Variants in PPIB observed in about 807,000 individuals in gnomAD.
PPIB encodes the protein peptidylprolyl isomerase B.
In PPIB, 15 loss-of-function variants were observed where a neutral mutation model predicts 20.1. The observed-to-expected ratio is 0.75, with a 90% confidence interval of 0.50 to 1.15. The LOEUF (loss-of-function observed/expected upper bound fraction) is 1.15, where lower values mean the gene tolerates loss of function less well. Ranked by LOEUF, PPIB falls within the 50% of genes most tolerant of loss-of-function variation. PPIB has a pLI of 0.00. For synonymous variants in PPIB, 129 were observed against 111.0 expected (o/e 1.16, Z -1.02); for missense variants, 278 against 283.0 (o/e 0.98, Z 0.13).
Position 64,161,979 on chromosome 15 carries a change from C to T in PPIB, c.249+62G>A. ...CGGCTGAACTCTGCAGGTCAGTTTG[C>T]TGCCATCCCCAGTGCCAATTTCACT... On this transcript the variant is annotated intron_variant, in intron 2 of 4. Coordinates refer to ENST00000300026, the MANE Select transcript of PPIB (RefSeq NM_000942.5). This position sits in a 1 kb window ranked among gnomAD's most constrained non-coding sequence, Gnocchi z 4.2. 8.2e-7 allele frequency: 1 copy of T among 1,214,734 alleles called. No individual in the cohort carries two copies. Among genetic ancestry groups the T allele is most frequent in the Non-Finnish European group, 1.2e-6 (1 of 816,482 alleles). The allele number at this position is 1,214,734 out of a possible 1,614,324, so 75.2% of individuals were successfully genotyped here.
chr15:64,162,149 A>G lies in PPIB; in HGVS notation c.141T>C (p.Tyr47=), dbSNP rs1458370190. 1.2e-6 allele frequency: 2 copies of G among 1,610,912 alleles called. No individual in the cohort carries two copies. Among genetic ancestry groups the G allele is most frequent in the South Asian group, 1.1e-5 (1 of 91,010 alleles). Residue 47 remains tyrosine, a synonymous_variant, in exon 2 of 5, where the codon TAT becomes TAC. Transcript: ENST00000300026. ...KKGPKVTVKV[Y]FDLRIGDEDV... The stretch of plus-strand genomic sequence containing the variant: ...CTTCATCTCCAATTCGTAGGTCAAA[A>G]TACACCTGAGGAAAGAGACCATTTC...
At position 64,162,102 on chromosome 15, in the gene PPIB, C is replaced by A. The variant is rs1285687079; in HGVS notation, c.188G>T (p.Gly63Val). ...TTTTGGAACAGTCTTTCCGAAGAGA[C>A]CAAAGATCACCCGGCCTACATCTTC... ...GDEDVGRVIF[G>V]LFGKTVPKTV... Residue 63 changes from glycine (G) to valine (V), a missense_variant, in exon 2 of 5, where the codon GGT (glycine) becomes GTT (valine). Coordinates refer to ENST00000300026, the MANE Select transcript of PPIB (RefSeq NM_000942.5). 1 of 1,614,166 alleles carries A rather than the reference C, an allele frequency of 6.2e-7. No individual in the cohort carries two copies. Among genetic ancestry groups the A allele is most frequent in the Non-Finnish European group, 8.5e-7 (1 of 1,180,016 alleles).
rs1015811321 is a variant in PPIB, at chr15:64,161,986, C to T, written c.249+55G>A. 1.5e-6 allele frequency: 2 copies of T among 1,302,686 alleles called. No homozygotes were observed. Among genetic ancestry groups the T allele is most frequent in the Admixed American group, 3.4e-5 (2 of 59,566 alleles). The allele number at this position is 1,302,686 out of a possible 1,614,324, so 80.7% of individuals were successfully genotyped here. A position where few individuals can be genotyped will look rare whatever the true frequency, so the allele number is the denominator to read the frequency against. Reference sequence around the variant, plus strand: ...ACTCTGCAGGTCAGTTTGCTGCCATCCCCAGTGCCAATTTCACTTCATGTG... The same window carrying T: ...ACTCTGCAGGTCAGTTTGCTGCCATTCCCAGTGCCAATTTCACTTCATGTG... On this transcript the variant is annotated intron_variant, in intron 2 of 4. Coordinates refer to ENST00000300026, the MANE Select transcript of PPIB (RefSeq NM_000942.5). This position sits in a 1 kb window ranked among gnomAD's most constrained non-coding sequence, Gnocchi z 4.2.
rs540496524 is a variant in PPIB at position 64,158,216 on chromosome 15, T to C, written c.344-1307A>G. 6.6e-6 allele frequency among the ~76,000 whole-genome samples: 1 copy of C among 152,308 alleles called. No individual in the cohort carries two copies. The highest frequency in any genetic ancestry group is 2.4e-5 in the African/African-American group (1 of 41,568). ...TCAGGTTGTCCCTACCCACTCCCCA[T>C]GTACTTACTCTTTCTTTCCATTCCC... On this transcript the variant is annotated intron_variant, in intron 3 of 4. Transcript: ENST00000300026. The surrounding 1 kb of genome is among the most constrained non-coding windows in gnomAD (Gnocchi z 4.7).
rs968664279 is a variant in PPIB at position 64,157,786 on chromosome 15, G to T, written c.344-877C>A. 2.0e-5 allele frequency among the ~76,000 whole-genome samples: 3 copies of T among 152,154 alleles called. No homozygotes were observed. Among genetic ancestry groups the T allele is most frequent in the Non-Finnish European group, 4.4e-5 (3 of 68,032 alleles). ...GGTTCCACAGAATGGAACTGAGCTG[G>T]GAAACTGTCCTAGACAGATGCCAAC... On this transcript the variant is annotated intron_variant, in intron 3 of 4. Transcript: ENST00000300026. This position sits in a 1 kb window ranked among gnomAD's most constrained non-coding sequence, Gnocchi z 4.2.
rs2081565598 is a variant in PPIB at position 64,161,926 on chromosome 15, G to A, written c.249+115C>T. ...TGTGTTCCCAGGGCAACAGGCAGTCGGTGCTCAGTGAGGTCCACGCTACAG... is the reference window on the plus strand; with the variant it reads ...TGTGTTCCCAGGGCAACAGGCAGTCAGTGCTCAGTGAGGTCCACGCTACAG... On this transcript the variant is annotated intron_variant, in intron 2 of 4. Coordinates refer to ENST00000300026, the MANE Select transcript of PPIB (RefSeq NM_000942.5). The surrounding 1 kb of genome is among the most constrained non-coding windows in gnomAD (Gnocchi z 4.2). 3 of 806,190 alleles carry A rather than the reference G, an allele frequency of 3.7e-6. No homozygotes were observed. The highest frequency in any genetic ancestry group is 1.7e-5 in the Admixed American group (1 of 58,864). The allele number at this position is 806,190 out of a possible 1,614,324, so 49.9% of individuals were successfully genotyped here.
In PPIB at chr15:64,162,082, G is replaced by C. The variant is rs1201535977; in HGVS notation, c.208C>G (p.Pro70Ala). ...GCCACAAAATTATCCACTGTTTTTGGAACAGTCTTTCCGAAGAGACCAAAG... is the reference window on the plus strand; with the variant it reads ...GCCACAAAATTATCCACTGTTTTTGCAACAGTCTTTCCGAAGAGACCAAAG... ...VIFGLFGKTV[P>A]KTVDNFVALA... Residue 70 changes from proline to alanine, a missense_variant, in exon 2 of 5, where the codon CCA (proline) becomes GCA (alanine). By Grantham distance (27) the Pro-to-Ala change is conservative. Transcript: ENST00000300026. 2.5e-6 allele frequency: 4 copies of C among 1,613,948 alleles called. No homozygotes were observed. The highest frequency in any genetic ancestry group is 3.4e-6 in the Non-Finnish European group (4 of 1,179,956).
In PPIB at chr15:64,162,852, C is replaced by G. The variant is rs1015408472; in HGVS notation, c.135G>C (p.Lys45Asn). ...EKKKGPKVTV[K>N]VYFDLRIGDE... ...GTAAATGCCGCGGACTCCACCGGACCTTGACGGTGACTTTGGGCCCCTTCT... is the reference window on the plus strand; with the variant it reads ...GTAAATGCCGCGGACTCCACCGGACGTTGACGGTGACTTTGGGCCCCTTCT... Residue 45 changes from lysine to asparagine, a missense_variant and splice_region_variant, in exon 1 of 5, where the codon AAG becomes AAC. By Grantham distance (94) the Lys-to-Asn change is moderately conservative. Transcript: ENST00000300026. 1.9e-6 allele frequency: 3 copies of G among 1,610,920 alleles called. No individual in the cohort carries two copies. Among genetic ancestry groups the G allele is most frequent in the Admixed American group, 1.7e-5 (1 of 59,716 alleles).
chr15:64,162,802 C>T, intron 1 of PPIB, 50 bp downstream of exon 1: 1 of 1,590,084 alleles, frequency 6.3e-7, no homozygotes, highest in Admixed American at 1.7e-5. Flanking sequence ...CAAGCCAAGG[C>T]CGCCCGGGCC....
chr15:64,155,857 G>GTGT lies in PPIB; in HGVS notation c.*163_*165dup, dbSNP rs1015271051. 5.6e-5 allele frequency: 56 copies of GTGT among 993,906 alleles called. No homozygotes were observed. Among genetic ancestry groups the GTGT allele is most frequent in the Non-Finnish European group, 7.7e-5 (50 of 648,092 alleles). The allele number at this position is 993,906 out of a possible 1,614,324, so 61.6% of individuals were successfully genotyped here. ...AACCCACATTTTTTTTTATTGGTCA[G>GTGT]TGTTGGTAGGAGTTTGTTACAAAAG... On this transcript the variant is annotated 3_prime_UTR_variant, in exon 5 of 5. Transcript: ENST00000300026.
Position 64,162,838 on chromosome 15 carries a change from G to T in PPIB, c.135+14C>A. On this transcript the variant is annotated intron_variant, in intron 1 of 4. Transcript: ENST00000300026. ...CGAGCTCCGGCACCGTAAATGCCGC[G>T]GACTCCACCGGACCTTGACGGTGAC... The T allele has an allele frequency of 6.2e-7, 1 of 1,608,548 alleles. No homozygotes were observed. Among genetic ancestry groups the T allele is most frequent in the Non-Finnish European group, 8.5e-7 (1 of 1,177,890 alleles).
chr15:64,156,837 C>T lies in PPIB; in HGVS notation c.416G>A (p.Ser139Asn), dbSNP rs150146348. Residue 139 changes from serine to asparagine, a missense_variant, in exon 4 of 5, where the codon AGC becomes AAC. Physicochemically the swap from Ser to Asn is conservative, Grantham distance 46 (BLOSUM62 1). Transcript: ENST00000300026. The surrounding 1 kb of genome is among the most constrained non-coding windows in gnomAD (Gnocchi z 6.4). The stretch of plus-strand genomic sequence containing the variant: ...GGTGTCTTTGCCTGCGTTGGCCATG[C>T]TCACCCAGCCAGGCCCGTAGTGCTT... ...KLKHYGPGWV[S>N]MANAGKDTNG... 4 of 1,614,074 alleles carry T rather than the reference C, an allele frequency of 2.5e-6. No homozygotes were observed. The highest frequency in any genetic ancestry group is 2.7e-5 in the African/African-American group (2 of 74,926).
In PPIB at chr15:64,157,221, C is replaced by T; in HGVS notation, c.344-312G>A. 1 of 406,052 alleles carries T rather than the reference C, an allele frequency of 2.5e-6. No individual in the cohort carries two copies. The allele number at this position is 406,052 out of a possible 1,614,324, so 25.2% of individuals were successfully genotyped here. The stretch of plus-strand genomic sequence containing the variant: ...TCCCCTTAGCTATGGCCCAGGCCTG[C>T]CACGGAGGGACTTTGGTGGAGGGAA... On this transcript the variant is annotated intron_variant, in intron 3 of 4. Transcript: ENST00000300026. This position sits in a 1 kb window ranked among gnomAD's most constrained non-coding sequence, Gnocchi z 4.2.
In PPIB at chr15:64,162,942, G is replaced by A. The variant is rs746610540; in HGVS notation, c.45C>T (p.Ala15=). 3 of 1,613,568 alleles carry A rather than the reference G, an allele frequency of 1.9e-6. No individual in the cohort carries two copies. The highest frequency in any genetic ancestry group is 2.7e-5 in the African/African-American group (2 of 74,938). ...AGAAGACGGACCCCGCGATGAGGGC[G>A]GCGGCAAGGAGCACCTTCATGTTGC... ...SERNMKVLLA[A]ALIAGSVFFL... The change falls in exon 1 of 5, where the codon GCC becomes GCT. Residue 15 remains alanine (A), a synonymous_variant. Coordinates refer to ENST00000300026, the MANE Select transcript of PPIB (RefSeq NM_000942.5).
In PPIB at chr15:64,158,437, GTCTGCTCTCGAATC is replaced by G. The variant is rs149505645; in HGVS notation, c.344-1542_344-1529del. ...CGGGGCTAGAGTTCAGACCAAGGTG[GTCTGCTCTCGAATC>G]TCTGCTCTCAGCCACCTCAGGATCA... is the stretch of plus-strand genomic sequence containing the variant. On this transcript the variant is annotated intron_variant, in intron 3 of 4. Transcript: ENST00000300026. The surrounding 1 kb of genome is among the most constrained non-coding windows in gnomAD (Gnocchi z 4.7). 6.6e-6 allele frequency among the ~76,000 whole-genome samples: 1 copy of G among 152,324 alleles called. No individual in the cohort carries two copies. Among genetic ancestry groups the G allele is most frequent in the African/African-American group, 2.4e-5 (1 of 41,566 alleles).
Position 64,162,927 on chromosome 15 carries a change from C to A in PPIB, c.60G>T (p.Gly20=). The A allele has an allele frequency of 6.2e-7, 1 of 1,613,516 alleles. No individual in the cohort carries two copies. The highest frequency in any genetic ancestry group is 8.5e-7 in the Non-Finnish European group (1 of 1,179,848). The part of the protein sequence containing the change: ...KVLLAAALIA[G]SVFFLLLPGP... Reference sequence around the variant, plus strand: ...CCGGCAGCAGCAGGAAGAAGACGGACCCCGCGATGAGGGCGGCGGCAAGGA... The same window carrying A: ...CCGGCAGCAGCAGGAAGAAGACGGAACCCGCGATGAGGGCGGCGGCAAGGA... Residue 20 remains glycine, a synonymous_variant, in exon 1 of 5, where the codon GGG becomes GGT. Transcript: ENST00000300026.
chr15:64,156,933 C>G lies in PPIB; in HGVS notation c.344-24G>C, dbSNP rs1567345523. On this transcript the variant is annotated intron_variant, in intron 3 of 4. Coordinates refer to ENST00000300026, the MANE Select transcript of PPIB (RefSeq NM_000942.5). This position sits in a 1 kb window ranked among gnomAD's most constrained non-coding sequence, Gnocchi z 6.4. ...TCCTGGGAAAAAAGACAGAGCAGGT[C>G]AGGGGCGCTGGATTGCGCCAAACCA... 1 of 1,612,946 alleles carries G rather than the reference C, an allele frequency of 6.2e-7. No homozygotes were observed. The highest frequency in any genetic ancestry group is 8.5e-7 in the Non-Finnish European group (1 of 1,179,238).
chr15:64,156,679 C>CA lies in PPIB; in HGVS notation c.528+45_528+46insT, dbSNP rs1358274687. On this transcript the variant is annotated intron_variant, in intron 4 of 4. Coordinates refer to ENST00000300026, the MANE Select transcript of PPIB (RefSeq NM_000942.5). This position sits in a 1 kb window ranked among gnomAD's most constrained non-coding sequence, Gnocchi z 6.4. ...TCCTGCCCTGGGGTCTGTGTTGAAT[C>CA]CCCGGTGAGGATTGCCCAGTAGTAG... 1 of 1,609,692 alleles carries CA rather than the reference C, an allele frequency of 6.2e-7. No homozygotes were observed. Among genetic ancestry groups the CA allele is most frequent in the Non-Finnish European group, 8.5e-7 (1 of 1,176,146 alleles).
Position 64,156,623 on chromosome 15 carries a change from TC to T in PPIB, c.528+101del. The T allele has an allele frequency of 7.1e-7, 1 of 1,407,594 alleles. No individual in the cohort carries two copies. The highest frequency in any genetic ancestry group is 1.0e-6 in the Non-Finnish European group (1 of 992,586). The allele number at this position is 1,407,594 out of a possible 1,614,324, so 87.2% of individuals were successfully genotyped here. ...CACTGGGCTGCATCTGTGGGTTGGG[TC>T]CTTTTGGGAAAGGGATGGACACATG... On this transcript the variant is annotated intron_variant, in intron 4 of 4. Coordinates refer to ENST00000300026, the MANE Select transcript of PPIB (RefSeq NM_000942.5). The surrounding 1 kb of genome is among the most constrained non-coding windows in gnomAD (Gnocchi z 6.4).
Sources: allele counts gnomAD v4.1 joint callset (sites outside exome capture counted in the v4.1 genomes callset), GRCh38; gene constraint gnomAD v4.1.1; non-coding constraint Gnocchi (gnomAD v3.1); transcripts MANE v1.5; gene names NCBI Gene and HGNC (gene_info 2026-07-23, HGNC 2026-07-21).